Variants in SUMF1 observed in about 807,000 individuals in gnomAD.
SUMF1 encodes the protein sulfatase modifying factor 1.
In SUMF1, 48 loss-of-function variants were observed where a neutral mutation model predicts 47.6. The observed-to-expected ratio is 1.01, with a 90% CI of 0.80 to 1.28. The LOEUF is 1.28. SUMF1 is among the 50% of genes most tolerant of loss of function. The pLI is 0.00. For synonymous variants in SUMF1, 230 were observed against 192.1 expected, an observed-to-expected ratio of 1.20 and a Z score of -1.63; for missense variants, 571 against 485.4, an observed-to-expected ratio of 1.18 and a Z score of -1.66.
intron 8 of SUMF1, among the ~76,000 whole-genome samples, chr3:4,273,952 C>T (rs1263019549): frequency 6.6e-6 from 1 of 150,982 alleles, no homozygotes; most frequent in African/African-American, 2.4e-5. Context: ...ATAGCCTAGT[C>T]TGCATCTGTC....
At chr3:4,056,495 G>A (rs1014357700) in intron 9 of SUMF1, among the ~76,000 whole-genome samples, 1 of 152,040 alleles carries the variant, frequency 6.6e-6, no homozygotes, top group African/African-American at 2.4e-5. Context: ...GCCGCATAGT[G>A]AGACTTCATC....
intron 8 of SUMF1, among the ~76,000 whole-genome samples, chr3:4,096,625 C>G (rs1403245737): frequency 6.6e-6 from 1 of 152,086 alleles, no homozygotes; most frequent in African/African-American, 2.4e-5. Context: ...ATCTAAATCT[C>G]TTTACAGATT....
At chr3:4,239,156 C>A (rs1696479877) in intron 8 of SUMF1, among the ~76,000 whole-genome samples, 1 of 152,122 alleles carries the variant, frequency 6.6e-6, no homozygotes, top group African/African-American at 2.4e-5. Context: ...GTACCCGTAC[C>A]ATGCTATTTT....
chr3:4,364,104 T>C lies in SUMF1; in HGVS notation c.1015-1850A>G, dbSNP rs1047735413. Among the ~76,000 whole-genome samples, 96 of 137,562 alleles carry C rather than the reference T, an allele frequency of 7.0e-4. 1 individual carries two copies. The highest frequency in any genetic ancestry group is 2.3e-3 in the African/African-American group (90 of 38,412). 90.2% of individuals were successfully genotyped at this position (137,562 alleles called of 152,430 possible). On this transcript the variant is annotated intron_variant, in intron 8 of 8. Coordinates refer to ENST00000272902, the MANE Select transcript of SUMF1 (RefSeq NM_182760.4). ...TGATCATGGTGGATAAGCTTTTTGATGTGCTGCTGGATTCGGTTTGCCAGT... is the reference window on the plus strand; with the variant it reads ...TGATCATGGTGGATAAGCTTTTTGACGTGCTGCTGGATTCGGTTTGCCAGT...
chr3:4,372,336 G>A (rs1700194573), intron 8 of SUMF1, among the ~76,000 whole-genome samples: 1 of 152,194 alleles, frequency 6.6e-6, no homozygotes, highest in South Asian at 2.1e-4. Context: ...GCAAACTGGT[G>A]TTGGCCCATG....
chr3:4,249,868 C>A (rs1696754778), intron 8 of SUMF1, among the ~76,000 whole-genome samples: 1 of 152,118 alleles, frequency 6.6e-6, no homozygotes, highest in Non-Finnish European at 1.5e-5. Context: ...CCAGTCAACA[C>A]ACAAATGATA....
At chr3:4,074,504 G>T (rs551634978) in intron 8 of SUMF1, among the ~76,000 whole-genome samples, 2 of 151,916 alleles carry the variant, frequency 1.3e-5, no homozygotes, top group South Asian at 2.1e-4. Context: ...CAGGACTAAA[G>T]GAGAAAGAGA....
chr3:4,206,064 C>A (rs1306060038), intron 8 of SUMF1, among the ~76,000 whole-genome samples: 1 of 151,962 alleles, frequency 6.6e-6, no homozygotes, highest in South Asian at 2.1e-4. Flanking sequence ...CATCTAGGAA[C>A]TAGGGCCTGA....
chr3:4,435,599 T>C (rs757713419), intron 3 of SUMF1, among the ~76,000 whole-genome samples: 4 of 152,174 alleles, frequency 2.6e-5, no homozygotes, highest in Admixed American at 2.6e-4. Context: ...AAATGCATCA[T>C]CATCAAACTG....
intron 8 of SUMF1, among the ~76,000 whole-genome samples, chr3:4,160,399 C>T (rs1694548242): frequency 6.6e-6 from 1 of 151,982 alleles, no homozygotes; most frequent in Non-Finnish European, 1.5e-5. Context: ...GCCACCACAC[C>T]CAGCTAATTT....
intron 8 of SUMF1, among the ~76,000 whole-genome samples, chr3:4,107,784 C>T (rs978972815): frequency 1.3e-5 from 2 of 152,078 alleles, no homozygotes; most frequent in Non-Finnish European, 2.9e-5. Context: ...CATCACTGCA[C>T]TCCAGCCTAA....
At chr3:4,212,149 T>C (rs1464975794) in intron 8 of SUMF1, among the ~76,000 whole-genome samples, 2 of 152,130 alleles carry the variant, frequency 1.3e-5, no homozygotes, top group Non-Finnish European at 2.9e-5. Flanking sequence ...CACCTCCCAG[T>C]AGGGGCCGAC....
intron 6 of SUMF1, among the ~76,000 whole-genome samples, chr3:4,412,578 C>A (rs905986902): frequency 1.3e-5 from 2 of 152,240 alleles, no homozygotes; most frequent in East Asian, 1.9e-4. Flanking sequence ...GCCAGAGGAG[C>A]AAGTGCGGTT....
chr3:4,353,495 G>A (rs185161696), intron 8 of SUMF1, among the ~76,000 whole-genome samples: 223 of 152,154 alleles, frequency 1.5e-3, no homozygotes, highest in African/African-American at 4.8e-3. Flanking sequence ...CTCGTGATCC[G>A]CCCACCTCGG....
At chr3:4,366,962 T>A (rs1415176731) in intron 8 of SUMF1, among the ~76,000 whole-genome samples, 1 of 152,246 alleles carries the variant, frequency 6.6e-6, no homozygotes, top group African/African-American at 2.4e-5. Context: ...GCAGGTCTGT[T>A]GGAGTTTGCT....
intron 8 of SUMF1, among the ~76,000 whole-genome samples, chr3:4,343,297 T>C (rs1327608165): frequency 6.6e-6 from 1 of 152,214 alleles, no homozygotes; most frequent in Non-Finnish European, 1.5e-5. Context: ...GTCAAAATTA[T>C]TAACTCAGTG....
intron 8 of SUMF1, among the ~76,000 whole-genome samples, chr3:4,227,058 A>G (rs1696189988): frequency 6.6e-6 from 1 of 152,030 alleles, no homozygotes; most frequent in African/African-American, 2.4e-5. Flanking sequence ...TGGTACAGAC[A>G]CTACACTCAA....
chr3:4,281,364 C>A (rs553625108), intron 8 of SUMF1, among the ~76,000 whole-genome samples: 7 of 151,954 alleles, frequency 4.6e-5, no homozygotes, highest in Non-Finnish European at 1.0e-4. Context: ...AGAGAAAAAG[C>A]CAGAGAAAAG....
intron 8 of SUMF1, among the ~76,000 whole-genome samples, chr3:4,199,336 T>C (rs1223091629): frequency 1.3e-5 from 2 of 152,192 alleles, no homozygotes; most frequent in African/African-American, 2.4e-5. Flanking sequence ...TATTGCTGAA[T>C]GGTATTCCAT....
Sources: gnomAD v4.1 joint callset for allele counts (sites outside exome capture counted in the v4.1 genomes callset) on GRCh38, gnomAD v4.1.1 for gene constraint, MANE v1.5 for transcripts, NCBI Gene and HGNC (gene_info 2026-07-23, HGNC 2026-07-21) for gene names.